The following CD44 variants were observed in gnomAD, a reference collection of about 807,000 sequenced individuals.
CD44 encodes CD44 antigen.
CD44 carries 49 observed loss-of-function variants against 88.8 expected under a neutral mutation model. The observed-to-expected ratio is 0.55, with a 90% CI of 0.44 to 0.70. The LOEUF (loss-of-function observed/expected upper bound fraction) is 0.70, where lower values mean the gene tolerates loss of function less well. Ranked by LOEUF, CD44 falls within the 30% of genes least tolerant of loss-of-function variation. The pLI is 0.00. For missense variants in CD44, 883 were observed against 913.8 expected (o/e 0.97, Z 0.43); for synonymous variants, 325 against 312.3 (o/e 1.04, Z -0.43).
At chr11:35,177,771 G>A (rs76952648) in intron 2 of CD44, among the ~76,000 whole-genome samples, 182 of 152,312 alleles carry the variant, frequency 1.2e-3, no homozygotes, top group African/African-American at 4.1e-3. Context: ...AAATTGCCCT[G>A]TCTGATATGG....
intron 1 of CD44, among the ~76,000 whole-genome samples, chr11:35,164,597 T>A (rs1943048427): frequency 6.6e-6 from 1 of 152,266 alleles, no homozygotes; most frequent in South Asian, 2.1e-4. Context: ...AGACAACAAG[T>A]CTTAACTGCA....
chr11:35,167,884 A>ACAATT (rs1448264319), intron 1 of CD44, among the ~76,000 whole-genome samples: 1 of 152,216 alleles, frequency 6.6e-6, no homozygotes, highest in Admixed American at 6.5e-5. Context: ...TTCAGGCTGT[A>ACAATT]AAGGGCAGGA....
chr11:35,181,997 AT>A (rs1945175591), intron 3 of CD44, among the ~76,000 whole-genome samples: 1 of 111,950 alleles, frequency 8.9e-6, no homozygotes, highest in Non-Finnish European at 1.7e-5. Flanking sequence ...ATAAATTTAT[AT>A]TTATATATAT....
intron 1 of CD44, among the ~76,000 whole-genome samples, chr11:35,162,900 A>T (rs1425331322): frequency 6.6e-5 from 10 of 152,086 alleles, no homozygotes; most frequent in African/African-American, 1.9e-4. Flanking sequence ...ACATGCACAC[A>T]CACACAGACA....
At chr11:35,222,497 G>C (rs7116739) in intron 17 of CD44, 840,967 of 1,197,992 alleles carry the variant, frequency 0.7, 297,505 homozygotes, top group East Asian at 1. Flanking sequence ...CAGTCACCTC[G>C]CTAGAACTGA....
Position 35,180,423 on chromosome 11 carries a change from G to A in CD44, c.367+16G>A, listed in dbSNP as rs1944877675. The A allele has an allele frequency of 6.2e-7, 1 of 1,613,838 alleles. No homozygotes were observed. The highest frequency in any genetic ancestry group is 8.5e-7 in the Non-Finnish European group (1 of 1,179,840). On this transcript the variant is annotated intron_variant, in intron 3 of 17. Transcript: ENST00000428726. ...AATGCTTCAGGTTGGTTCTCAGGGG[G>A]GTGTCTGTTGGCGTGAAAGGCTGTG...
chr11:35,146,268 TTTAAAAGTAAAGGTTAA>T (rs1169786405), intron 1 of CD44, among the ~76,000 whole-genome samples: 1 of 152,154 alleles, frequency 6.6e-6, no homozygotes, highest in African/African-American at 2.4e-5. Context: ...GTCTTCAGCT[TTTAAAAGTAAAGGTTAA>T]TTGCAAAACT....
Position 35,189,837 on chromosome 11 carries a change from AT to A in CD44, c.441del (p.Ile147MetfsTer32). 6.2e-7 allele frequency: 1 copy of A among 1,608,310 alleles called. No homozygotes were observed. Among genetic ancestry groups the A allele is most frequent in the Non-Finnish European group, 8.5e-7 (1 of 1,175,198 alleles). On this transcript the variant is annotated frameshift_variant, in exon 5 of 18. Transcript: ENST00000428726. LOFTEE classifies it high-confidence loss of function. ...TAAGTACCTTTTCTCTCTCCCAGCT[AT>A]TGTTAACCGTGATGGCACCCGCTAT... is the stretch of plus-strand genomic sequence containing the variant. ...NAFDGPITIT[I>X]VNRDGTRYVQ... is the part of the protein sequence containing the mutation.
In CD44 at chr11:35,139,266, G is replaced by A. The variant is rs1857408686; in HGVS notation, c.-38G>A. 6.5e-7 allele frequency: 1 copy of A among 1,534,698 alleles called. No homozygotes were observed. The highest frequency in any genetic ancestry group is 2.4e-5 in the East Asian group (1 of 40,994). On this transcript the variant is annotated 5_prime_UTR_variant, in exon 1 of 18. Coordinates refer to ENST00000428726, the MANE Select transcript of CD44 (RefSeq NM_000610.4). ...CTGCCCCGCGCCCAGGGATCCTCCA[G>A]CTCCTTTCGCCCGCGCCCTCCGTTC... is the stretch of plus-strand genomic sequence containing the variant.
intron 1 of CD44, among the ~76,000 whole-genome samples, chr11:35,152,046 G>A (rs1860420344): frequency 6.6e-6 from 1 of 152,220 alleles, no homozygotes; most frequent in South Asian, 2.1e-4. Flanking sequence ...TAGCTAATGC[G>A]AGGAAAGCTT....
At chr11:35,146,394 T>A (rs1207123563) in intron 1 of CD44, among the ~76,000 whole-genome samples, 1 of 152,240 alleles carries the variant, frequency 6.6e-6, no homozygotes, top group Non-Finnish European at 1.5e-5. Flanking sequence ...AAAGTTCATT[T>A]GTTTTTGAGA....
intron 1 of CD44, among the ~76,000 whole-genome samples, chr11:35,141,145 C>T (rs1195740451): frequency 1.3e-5 from 2 of 152,206 alleles, no homozygotes; most frequent in East Asian, 1.9e-4. Flanking sequence ...TAAGAAGCTT[C>T]CTGTTATCAG....
intron 4 of CD44, among the ~76,000 whole-genome samples, chr11:35,189,295 GC>G (rs977122860): frequency 1.3e-5 from 2 of 152,124 alleles, no homozygotes; most frequent in Non-Finnish European, 2.9e-5. Context: ...GACAAAACTT[GC>G]CCCTTAAAAA....
chr11:35,190,303 C>T, intron 5 of CD44: 1 of 561,960 alleles, frequency 1.8e-6, no homozygotes, highest in Non-Finnish European at 3.2e-6. Flanking sequence ...TAAGAAGTGC[C>T]ATATTGGAAG....
rs375053008 is a variant in CD44, at chr11:35,196,807, T to C, written c.729T>C (p.Asp243=). 9.5e-5 allele frequency: 154 copies of C among 1,613,658 alleles called. No homozygotes were observed. The highest frequency in any genetic ancestry group is 1.1e-4 in the Non-Finnish European group (135 of 1,179,754). ...ETATKRQETW[D]WFSWLFLPSE... Reference sequence around the variant, plus strand: ...CAACCAAGAGGCAAGAAACCTGGGATTGGTTTTCATGGTTGTTTCTACCAT... The same window carrying C: ...CAACCAAGAGGCAAGAAACCTGGGACTGGTTTTCATGGTTGTTTCTACCAT... Residue 243 remains aspartate, a synonymous_variant, in exon 6 of 18, where the codon GAT becomes GAC. Coordinates refer to ENST00000428726, the MANE Select transcript of CD44 (RefSeq NM_000610.4).
At chr11:35,215,414 G>A (rs1312978560) in intron 15 of CD44, among the ~76,000 whole-genome samples, 2 of 152,172 alleles carry the variant, frequency 1.3e-5, no homozygotes, top group African/African-American at 4.8e-5. Flanking sequence ...ATTGTCACAG[G>A]ACATTGTTTC....
intron 3 of CD44, 24 bp from the exon 4 acceptor site, chr11:35,186,808 C>G: frequency 6.9e-7 from 1 of 1,441,626 alleles, no homozygotes; most frequent in African/African-American, 1.4e-5. Context: ...AAAGGGTTCT[C>G]ATCCTTTTTT....
intron 1 of CD44, among the ~76,000 whole-genome samples, chr11:35,166,251 G>A (rs1231461942): frequency 6.6e-6 from 1 of 152,212 alleles, no homozygotes; most frequent in East Asian, 1.9e-4. Flanking sequence ...ACACAGGGGT[G>A]GGTACTGTGG....
intron 3 of CD44, among the ~76,000 whole-genome samples, chr11:35,181,629 G>A (rs1944995845): frequency 7.0e-6 from 1 of 143,286 alleles, no homozygotes; most frequent in Non-Finnish European, 1.5e-5. Flanking sequence ...AGGGACTTAA[G>A]ACATTATCAG....
Sources: gnomAD v4.1 joint callset for allele counts (sites outside exome capture counted in the v4.1 genomes callset) on GRCh38, gnomAD v4.1.1 for gene constraint, MANE v1.5 for transcripts, NCBI Gene and HGNC (gene_info 2026-07-23, HGNC 2026-07-21) for gene names.